Variants in RASGRF1 observed in about 807,000 individuals in gnomAD.
The protein encoded by RASGRF1 is ras-specific guanine nucleotide-releasing factor 1.
In RASGRF1, 40 loss-of-function variants were observed where a neutral mutation model predicts 138.7. The observed-to-expected ratio is 0.29, with a 90% confidence interval of 0.22 to 0.38. RASGRF1 has a LOEUF of 0.38. RASGRF1 is among the 10% of genes least tolerant of loss of function. The pLI is 1.00. For missense variants in RASGRF1, 1,108 were observed against 1,650.4 expected (o/e 0.67, Z 5.69); for synonymous variants, 614 against 663.2 (o/e 0.93, Z 1.14).
intron 26 of RASGRF1, among the ~76,000 whole-genome samples, chr15:78,963,983 A>G (rs1159853631): frequency 6.6e-6 from 1 of 151,830 alleles, no homozygotes; most frequent in Non-Finnish European, 1.5e-5. Context: ...CTCCGTAGTG[A>G]GCATGTGCAG....
chr15:78,972,610 C>T lies in RASGRF1; in HGVS notation c.3613-676G>A, dbSNP rs141926735. ...CTTAGCGCCTGCTGTGCACAAGACA[C>T]GATGAAAAGCAGCTTTCGCTCTTCA... is the stretch of plus-strand genomic sequence containing the variant. On this transcript the variant is annotated intron_variant, in intron 25 of 26. Transcript: ENST00000558480. Among the ~76,000 whole-genome samples, 176 of 152,202 alleles carry T rather than the reference C, an allele frequency of 1.2e-3. 2 individuals carry two copies. In the East Asian group the frequency reaches 0.031, roughly 27 times the overall value.
intron 26 of RASGRF1, among the ~76,000 whole-genome samples, chr15:78,968,279 T>TGTGTGTGTGTG (rs1567417630): frequency 2.6e-5 from 4 of 151,082 alleles, no homozygotes; most frequent in Non-Finnish European, 4.4e-5. Flanking sequence ...TGTGTGTGTG[T>TGTGTGTGTGTG]TTTATTTTTA....
chr15:79,021,175 C>T (rs541379722), intron 10 of RASGRF1, among the ~76,000 whole-genome samples: 1 of 152,336 alleles, frequency 6.6e-6, no homozygotes, highest in South Asian at 2.1e-4. Flanking sequence ...TAAGTAGCTC[C>T]TGATTTCCTG....
chr15:79,025,992 C>T (rs957960238), intron 9 of RASGRF1, among the ~76,000 whole-genome samples: 4 of 151,464 alleles, frequency 2.6e-5, no homozygotes, highest in African/African-American at 9.7e-5. Flanking sequence ...CATCACCAAT[C>T]AATCACTGCA....
intron 15 of RASGRF1, among the ~76,000 whole-genome samples, chr15:79,002,197 G>A (rs2056545530): frequency 6.6e-6 from 1 of 151,974 alleles, no homozygotes; most frequent in Non-Finnish European, 1.5e-5. Flanking sequence ...AAGCTTATTA[G>A]TTAAGGTGAC....
chr15:79,033,931 G>A (rs1228854241), intron 6 of RASGRF1, among the ~76,000 whole-genome samples: 1 of 152,184 alleles, frequency 6.6e-6, no homozygotes, highest in East Asian at 1.9e-4. Context: ...AGGAAACATG[G>A]TTTCCTTGTA....
intron 21 of RASGRF1, among the ~76,000 whole-genome samples, chr15:78,991,132 A>ATT (rs2056259123): frequency 6.6e-6 from 1 of 152,282 alleles, no homozygotes; most frequent in Admixed American, 6.5e-5. Context: ...GCTTAGTAAC[A>ATT]CACTGTTAGA....
intron 1 of RASGRF1, among the ~76,000 whole-genome samples, chr15:79,075,524 T>C (rs895190441): frequency 6.6e-6 from 1 of 152,188 alleles, no homozygotes; most frequent in African/African-American, 2.4e-5. Context: ...AAGCTGGGGC[T>C]GGGGGCTTGA....
At chr15:79,000,006 A>T in intron 16 of RASGRF1, 93 bp from the exon 17 acceptor site, 1 of 1,360,486 alleles carries the variant, frequency 7.4e-7, no homozygotes, top group Non-Finnish European at 1.0e-6. Flanking sequence ...GAGCAGCCTT[A>T]AGAGCCAGCA....
chr15:79,041,753 A>T (rs11854212), intron 5 of RASGRF1, among the ~76,000 whole-genome samples: 7,803 of 152,270 alleles, frequency 0.051, 661 homozygotes, highest in African/African-American at 0.18. Context: ...GGACAGAACC[A>T]GGCCCCCTCA....
rs1216505786 is a variant in RASGRF1 at position 78,973,375 on chromosome 15, G to T, written c.3540C>A (p.Asp1180Glu). The change falls in exon 25 of 27, where the codon GAC (aspartate) becomes GAA (glutamate). Residue 1180 changes from aspartate (D) to glutamate (E), a missense_variant. Asp to Glu is a conservative substitution (Grantham distance 45). Transcript: ENST00000558480. This position sits in a 1 kb window ranked among gnomAD's most constrained non-coding sequence, Gnocchi z 4.9. ...CVPYLGMYLTDLAFIEEGTPN... is the reference protein window; with the variant it reads ...CVPYLGMYLTELAFIEEGTPN... ...GCGTCCCCTCCTCGATGAAGGCCAG[G>T]TCGGTGAGGTACATCCCCAGGTAAG... 5 of 1,613,996 alleles carry T rather than the reference G, an allele frequency of 3.1e-6. No individual in the cohort carries two copies. Among genetic ancestry groups the T allele is most frequent in the Non-Finnish European group, 8.5e-7 (1 of 1,179,900 alleles).
chr15:79,053,405 C>T (rs1043772375), intron 3 of RASGRF1, among the ~76,000 whole-genome samples: 1 of 152,236 alleles, frequency 6.6e-6, no homozygotes, highest in Non-Finnish European at 1.5e-5. Flanking sequence ...CCTGCAAACT[C>T]CTATGCTGCC....
At chr15:79,082,548 C>T (rs1239948965) in intron 1 of RASGRF1, among the ~76,000 whole-genome samples, 2 of 152,178 alleles carry the variant, frequency 1.3e-5, no homozygotes, top group Non-Finnish European at 2.9e-5. Context: ...CAGCACAACC[C>T]AACCTACCCT....
At chr15:79,003,318 ATCC>A (rs2056582337) in intron 15 of RASGRF1, among the ~76,000 whole-genome samples, 1 of 152,204 alleles carries the variant, frequency 6.6e-6, no homozygotes, top group South Asian at 2.1e-4. Flanking sequence ...CCCCTGGAGC[ATCC>A]TCCTGACACA....
intron 13 of RASGRF1, among the ~76,000 whole-genome samples, chr15:79,012,754 C>T (rs1415033848): frequency 6.6e-6 from 1 of 152,130 alleles, no homozygotes; most frequent in Non-Finnish European, 1.5e-5. Context: ...GAGGTCTCGG[C>T]TCACTGCAAC....
At chr15:79,026,886 AG>A (rs2057064746) in intron 9 of RASGRF1, among the ~76,000 whole-genome samples, 1 of 152,202 alleles carries the variant, frequency 6.6e-6, no homozygotes, top group African/African-American at 2.4e-5. Context: ...AGCAGGTCAC[AG>A]GGTGGGCCTG....
At chr15:78,978,557 A>T (rs1489429949) in intron 24 of RASGRF1, 2 of 986,612 alleles carry the variant, frequency 2.0e-6, no homozygotes, top group East Asian at 2.3e-4. Context: ...AGCTAAAAAA[A>T]GATGCCTGGG....
intron 24 of RASGRF1, among the ~76,000 whole-genome samples, chr15:78,979,743 C>T (rs1449389835): frequency 1.3e-5 from 2 of 152,248 alleles, no homozygotes; most frequent in East Asian, 3.8e-4. Flanking sequence ...GGAGGCCAGC[C>T]TGGGCCAGTC....
chr15:79,020,715 G>A (rs2056948923), intron 10 of RASGRF1, among the ~76,000 whole-genome samples: 1 of 152,220 alleles, frequency 6.6e-6, no homozygotes. Flanking sequence ...GAGTGTGGGA[G>A]CATCTCTTGG....
Sources: gnomAD v4.1 joint callset for allele counts (sites outside exome capture counted in the v4.1 genomes callset) on GRCh38, gnomAD v4.1.1 for gene constraint, Gnocchi (gnomAD v3.1) non-coding constraint, MANE v1.5 for transcripts, NCBI Gene and HGNC (gene_info 2026-07-23, HGNC 2026-07-21) for gene names.